Variants in KANK4 observed in about 807,000 individuals in gnomAD.
KANK4 encodes the protein KN motif and ankyrin repeat domain-containing protein 4.
Under a neutral mutation model 80.8 loss-of-function variants are expected in KANK4, and 50 were observed. That is an observed-to-expected ratio of 0.62 (90% CI 0.49 to 0.78). The LOEUF is 0.78. KANK4 is among the 30% of genes least tolerant of loss of function. The pLI is 0.00. For missense variants in KANK4, 1,196 were observed against 1,240.1 expected, an observed-to-expected ratio of 0.96 and a Z score of 0.53; for synonymous variants, 465 against 506.9, an observed-to-expected ratio of 0.92 and a Z score of 1.11.
At chr1:62,241,281 G>A (rs1437668464) in intron 9 of KANK4, among the ~76,000 whole-genome samples, 1 of 152,154 alleles carries the variant, frequency 6.6e-6, no homozygotes, top group Non-Finnish European at 1.5e-5. Flanking sequence ...CAGGAACAGA[G>A]TGAGCTCAGG....
Position 62,268,391 on chromosome 1 carries a change from A to C in KANK4, c.2127T>G (p.Asp709Glu). The C allele has an allele frequency of 6.2e-7, 1 of 1,614,044 alleles. No individual in the cohort carries two copies. The highest frequency in any genetic ancestry group is 8.5e-7 in the Non-Finnish European group (1 of 1,179,992). Residue 709 changes from aspartate (D) to glutamate (E), a missense_variant, in exon 5 of 10, where the codon GAT becomes GAG. Physicochemically the swap from Asp to Glu is conservative, Grantham distance 45 (BLOSUM62 2). Coordinates refer to ENST00000371153, the MANE Select transcript of KANK4 (RefSeq NM_181712.5). ...CDGPDHKHVK[D>E]AHLTCEAGQG... The stretch of plus-strand genomic sequence containing the variant: ...GCCCAGCCTCGCAGGTGAGATGGGC[A>C]TCTTTGACATGCTTGTGATCTGGGC...
intron 5 of KANK4, among the ~76,000 whole-genome samples, chr1:62,267,530 G>T (rs760068255): frequency 6.6e-6 from 1 of 152,146 alleles, no homozygotes; most frequent in Non-Finnish European, 1.5e-5. Context: ...AGCCAGGCAC[G>T]GTAGCTCATG....
At position 62,278,373 on chromosome 1, in the gene KANK4, C is replaced by CT. The variant is rs1413037949; in HGVS notation, c.16+3175dup. 9.1e-4 allele frequency among the ~76,000 whole-genome samples: 20 copies of CT among 22,002 alleles called. 1 individual carries two copies. The highest frequency in any genetic ancestry group is 1.0e-3 in the Admixed American group (2 of 1,990). 14.4% of individuals were successfully genotyped at this position (22,002 alleles called of 152,430 possible). The stretch of plus-strand genomic sequence containing the variant: ...CCTTCCTTCCTTCCTTCCTTCCTTC[C>CT]TTCCTTTCTTTCTTTCTTTCTTTCT... On this transcript the variant is annotated intron_variant, in intron 2 of 9. Transcript: ENST00000371153.
At chr1:62,240,586 T>C (rs1317599038) in intron 9 of KANK4, among the ~76,000 whole-genome samples, 1 of 152,174 alleles carries the variant, frequency 6.6e-6, no homozygotes, top group Non-Finnish European at 1.5e-5. Context: ...TGGGAATCGC[T>C]TGAAACTGGG....
At chr1:62,255,638 AATTTAT>A (rs1190904444) in intron 7 of KANK4, among the ~76,000 whole-genome samples, 1 of 151,848 alleles carries the variant, frequency 6.6e-6, no homozygotes, top group Admixed American at 6.6e-5. Flanking sequence ...TTATAGGTGA[AATTTAT>A]TGAGTTTATT....
intron 7 of KANK4, among the ~76,000 whole-genome samples, chr1:62,260,045 T>C (rs139090144): frequency 6.6e-6 from 1 of 152,260 alleles, no homozygotes; most frequent in East Asian, 1.9e-4. Context: ...TACTCTCACT[T>C]TCCTGAGGAG....
In KANK4 at chr1:62,263,133, G is replaced by T; in HGVS notation, c.2498C>A (p.Ser833Tyr). ...CTTCACGATGGAGAAGTTGGAGTGGGACACGCTGTAGTGAAGGGCCGTGTT... is the reference window on the plus strand; with the variant it reads ...CTTCACGATGGAGAAGTTGGAGTGGTACACGCTGTAGTGAAGGGCCGTGTT... ...NGNTALHYSV[S>Y]HSNFSIVKLL... The change falls in exon 7 of 10, where the codon TCC becomes TAC. Residue 833 changes from serine (S) to tyrosine (Y), a missense_variant. Transcript: ENST00000371153. 6.2e-7 allele frequency: 1 copy of T among 1,613,760 alleles called. No homozygotes were observed. The highest frequency in any genetic ancestry group is 1.1e-5 in the South Asian group (1 of 90,956).
intron 2 of KANK4, among the ~76,000 whole-genome samples, chr1:62,279,194 G>A (rs191623064): frequency 1.9e-3 from 101 of 51,864 alleles, no homozygotes; most frequent in Non-Finnish European, 3.8e-3. Flanking sequence ...CTAAGCTAGC[G>A]CGCGCACACA....
chr1:62,308,317 C>G (rs1246104273), intron 1 of KANK4, among the ~76,000 whole-genome samples: 2 of 152,186 alleles, frequency 1.3e-5, no homozygotes, highest in Admixed American at 1.3e-4. Flanking sequence ...CTAATGACCT[C>G]CTATTGCCCA....
intron 9 of KANK4, among the ~76,000 whole-genome samples, chr1:62,242,010 C>T (rs1044014666): frequency 2.0e-5 from 3 of 152,100 alleles, no homozygotes; most frequent in African/African-American, 4.8e-5. Context: ...GACCACTTGG[C>T]GAGGGTTAGT....
intron 7 of KANK4, among the ~76,000 whole-genome samples, chr1:62,260,480 A>G (rs1197065510): frequency 1.3e-5 from 2 of 152,006 alleles, no homozygotes; most frequent in Non-Finnish European, 2.9e-5. Context: ...TCAGTCAAAA[A>G]ATATGTTCAG....
At chr1:62,259,064 G>T (rs1671818090) in intron 7 of KANK4, among the ~76,000 whole-genome samples, 1 of 152,118 alleles carries the variant, frequency 6.6e-6, no homozygotes, top group East Asian at 1.9e-4. Context: ...GGTCCTGAAG[G>T]CCAGGCTGAA....
intron 1 of KANK4, among the ~76,000 whole-genome samples, chr1:62,309,323 T>A (rs1487983535): frequency 6.6e-6 from 1 of 152,172 alleles, no homozygotes; most frequent in East Asian, 1.9e-4. Flanking sequence ...ACCATCACAT[T>A]GGGGATTAGA....
At chr1:62,287,882 C>A (rs1053189512) in intron 1 of KANK4, among the ~76,000 whole-genome samples, 6 of 152,066 alleles carry the variant, frequency 3.9e-5, no homozygotes, top group African/African-American at 1.4e-4. Context: ...AGTACGCAGA[C>A]CAATCATCAG....
intron 1 of KANK4, among the ~76,000 whole-genome samples, chr1:62,293,322 T>C (rs753339043): frequency 5.3e-5 from 8 of 152,020 alleles, no homozygotes; most frequent in Non-Finnish European, 1.0e-4. Context: ...CTCGAACTCC[T>C]GATCTCAGAT....
intron 7 of KANK4, among the ~76,000 whole-genome samples, chr1:62,255,264 T>TC (rs1204609693): frequency 3.9e-5 from 6 of 152,108 alleles, no homozygotes; most frequent in Non-Finnish European, 7.4e-5. Context: ...GGGATATGTA[T>TC]CCATATTCCT....
intron 7 of KANK4, among the ~76,000 whole-genome samples, chr1:62,261,794 C>A (rs972541446): frequency 6.6e-6 from 1 of 152,190 alleles, no homozygotes; most frequent in Non-Finnish European, 1.5e-5. Flanking sequence ...AGTCTCCAGG[C>A]ATTTTTCCCT....
intron 3 of KANK4, chr1:62,271,896 G>A: frequency 3.1e-6 from 1 of 321,436 alleles, no homozygotes; most frequent in African/African-American, 2.1e-5. Context: ...CTTGCTCAGT[G>A]AATGGGAGTG....
intron 2 of KANK4, among the ~76,000 whole-genome samples, chr1:62,277,382 C>G (rs1049017042): frequency 6.6e-6 from 1 of 152,168 alleles, no homozygotes; most frequent in Non-Finnish European, 1.5e-5. Flanking sequence ...AATTTATCTT[C>G]AAGATGACCA....
Sources: gnomAD v4.1 joint callset for allele counts (sites outside exome capture counted in the v4.1 genomes callset) on GRCh38, gnomAD v4.1.1 for gene constraint, MANE v1.5 for transcripts, NCBI Gene and HGNC (gene_info 2026-07-23, HGNC 2026-07-21) for gene names.